The following MB21D2 variants were observed in gnomAD, a reference collection of about 807,000 sequenced individuals.
MB21D2 encodes nucleotidyltransferase MB21D2.
MB21D2 carries 9 observed loss-of-function variants against 33.3 expected under a neutral mutation model. The observed-to-expected ratio is 0.27, with a 90% CI of 0.16 to 0.47. The LOEUF (loss-of-function observed/expected upper bound fraction) is 0.47. Among genes scored for constraint, MB21D2 ranks in the 20% least tolerant of loss-of-function variants. The pLI is 0.99. For synonymous variants in MB21D2, 241 were observed against 236.3 expected (o/e 1.02, Z -0.18); for missense variants, 540 against 624.6 (o/e 0.86, Z 1.44).
rs1310300135 is a variant in MB21D2, at chr3:192,840,003, T to C, written c.212-40353A>G. ...AGGTAAAAAATAAAAAGCATCCCTA[T>C]GCAGAGATAAGAAAAGAGATTGGAA... is the stretch of plus-strand genomic sequence containing the variant. On this transcript the variant is annotated intron_variant, in intron 1 of 1. Coordinates refer to ENST00000392452, the MANE Select transcript of MB21D2 (RefSeq NM_178496.4). Among the ~76,000 whole-genome samples the C allele has an allele frequency of 2.6e-5, 4 of 152,268 alleles. 1 individual carries two copies. The highest frequency in any genetic ancestry group is 6.8e-3 in the Middle Eastern group (2 of 294).
At chr3:192,858,809 T>C in intron 1 of MB21D2, among the ~76,000 whole-genome samples, 1 of 152,134 alleles carries the variant, frequency 6.6e-6, no homozygotes, top group Admixed American at 6.5e-5. Flanking sequence ...ACAATATACT[T>C]CTATTTACAG....
intron 1 of MB21D2, among the ~76,000 whole-genome samples, chr3:192,842,205 T>G (rs1712588879): frequency 6.6e-6 from 1 of 152,046 alleles, no homozygotes; most frequent in Admixed American, 6.6e-5. Context: ...ACAGCTGAAG[T>G]AGGAATGGAT....
chr3:192,811,117 G>A (rs957324671), intron 1 of MB21D2, among the ~76,000 whole-genome samples: 5 of 152,198 alleles, frequency 3.3e-5, no homozygotes, highest in Non-Finnish European at 5.9e-5. Context: ...CCATTGGGGC[G>A]ACTGTCAACC....
intron 1 of MB21D2, among the ~76,000 whole-genome samples, chr3:192,868,031 C>T (rs1416604185): frequency 1.3e-5 from 2 of 152,104 alleles, no homozygotes; most frequent in Non-Finnish European, 2.9e-5. Context: ...CCGCTTTGTA[C>T]CCTGTCTGAA....
intron 1 of MB21D2, among the ~76,000 whole-genome samples, chr3:192,887,137 GACGA>G (rs1713749506): frequency 6.6e-6 from 1 of 152,072 alleles, no homozygotes; most frequent in Admixed American, 6.6e-5. Context: ...CCAGACATTT[GACGA>G]TATCAATGAA....
chr3:192,830,670 T>C (rs1035359702), intron 1 of MB21D2, among the ~76,000 whole-genome samples: 2 of 152,204 alleles, frequency 1.3e-5, no homozygotes, highest in Non-Finnish European at 2.9e-5. Context: ...AGTGCAACCC[T>C]AGAGATAGTG....
At chr3:192,912,175 T>A (rs1255000844) in intron 1 of MB21D2, among the ~76,000 whole-genome samples, 2 of 152,156 alleles carry the variant, frequency 1.3e-5, no homozygotes, top group East Asian at 3.9e-4. Context: ...CAGCAAAATA[T>A]CCTGCTAGAG....
chr3:192,886,026 T>C (rs897333451), intron 1 of MB21D2, among the ~76,000 whole-genome samples: 2 of 152,122 alleles, frequency 1.3e-5, no homozygotes, highest in Non-Finnish European at 1.5e-5. Context: ...AGTGGCGCGA[T>C]CTCGGCTGAC....
intron 1 of MB21D2, among the ~76,000 whole-genome samples, chr3:192,849,513 T>A (rs1223583875): frequency 6.6e-6 from 1 of 152,166 alleles, no homozygotes; most frequent in Non-Finnish European, 1.5e-5. Flanking sequence ...AGACAGGGTT[T>A]CACCATGTTG....
chr3:192,852,524 G>A (rs1474034318), intron 1 of MB21D2, among the ~76,000 whole-genome samples: 1 of 152,138 alleles, frequency 6.6e-6, no homozygotes, highest in Non-Finnish European at 1.5e-5. Flanking sequence ...GGGAAAAACA[G>A]AAGGAGAAAT....
In MB21D2 at chr3:192,887,605, A is replaced by C. The variant is rs552381570; in HGVS notation, c.211+30025T>G. 7.7e-4 allele frequency among the ~76,000 whole-genome samples: 117 copies of C among 152,246 alleles called. 2 individuals carry two copies. Among genetic ancestry groups the C allele is most frequent in the African/African-American group, 2.4e-3 (101 of 41,484 alleles). Reference sequence around the variant, plus strand: ...GGGGTAGAGGTTACAGAAAAAACAAAGGTATATGGGGGTTCATTATACCAG... The same window carrying C: ...GGGGTAGAGGTTACAGAAAAAACAACGGTATATGGGGGTTCATTATACCAG... On this transcript the variant is annotated intron_variant, in intron 1 of 1. Transcript: ENST00000392452.
At chr3:192,911,895 G>A (rs1426226646) in intron 1 of MB21D2, among the ~76,000 whole-genome samples, 1 of 152,224 alleles carries the variant, frequency 6.6e-6, no homozygotes, top group Non-Finnish European at 1.5e-5. Flanking sequence ...TACAGATGCA[G>A]CACATAGTGA....
rs1560223943 is a variant in MB21D2, at chr3:192,799,356, T to C, written c.506A>G (p.Asp169Gly). 1 of 1,614,234 alleles carries C rather than the reference T, an allele frequency of 6.2e-7. No homozygotes were observed. Among genetic ancestry groups the C allele is most frequent in the Non-Finnish European group, 8.5e-7 (1 of 1,180,046 alleles). ...SKWKDCCTIV[D>G]HINGATNYFF... ...GTAGTTGGTGGCACCATTGATGTGA[T>C]CTACAATGGTGCAGCAGTCTTTCCA... is the stretch of plus-strand genomic sequence containing the variant. Residue 169 changes from aspartate to glycine, a missense_variant, in exon 2 of 2, where the codon GAT becomes GGT. Transcript: ENST00000392452. This position sits in a 1 kb window ranked among gnomAD's most constrained non-coding sequence, Gnocchi z 4.1.
At chr3:192,802,082 TGCTTAAATGCTAG>T (rs1234588609) in intron 1 of MB21D2, among the ~76,000 whole-genome samples, 1 of 152,226 alleles carries the variant, frequency 6.6e-6, no homozygotes, top group Non-Finnish European at 1.5e-5. Context: ...GACTTCCAGC[TGCTTAAATGCTAG>T]CCCTTAAGGA....
intron 1 of MB21D2, among the ~76,000 whole-genome samples, chr3:192,914,450 T>A (rs1714419127): frequency 6.6e-6 from 1 of 152,120 alleles, no homozygotes; most frequent in South Asian, 2.1e-4. Flanking sequence ...CAAACCAGTC[T>A]CTATCGAACC....
rs150249176 is a variant in MB21D2, at chr3:192,809,424, T to C, written c.212-9774A>G. The stretch of plus-strand genomic sequence containing the variant: ...GTCCCCATTTTACAGATAAGGAAAT[T>C]AAGAAAAATAGCAGCCAAATAAATT... On this transcript the variant is annotated intron_variant, in intron 1 of 1. Transcript: ENST00000392452. Among the ~76,000 whole-genome samples the C allele has an allele frequency of 4.7e-3, 708 of 152,142 alleles. 9 individuals are homozygous for C. Among genetic ancestry groups the C allele is most frequent in the Admixed American group, 5.2e-3 (80 of 15,290 alleles).
chr3:192,891,177 C>T (rs1017544225), intron 1 of MB21D2, among the ~76,000 whole-genome samples: 1 of 152,100 alleles, frequency 6.6e-6, no homozygotes, highest in African/African-American at 2.4e-5. Flanking sequence ...TGCAATTTTT[C>T]ATGAGAAAAC....
At chr3:192,896,060 T>C (rs1274546781) in intron 1 of MB21D2, among the ~76,000 whole-genome samples, 1 of 152,226 alleles carries the variant, frequency 6.6e-6, no homozygotes, top group Admixed American at 6.5e-5. Flanking sequence ...AGCAGTTTTA[T>C]GTACTCCGCT....
At chr3:192,836,922 G>A (rs182516640) in intron 1 of MB21D2, among the ~76,000 whole-genome samples, 18 of 152,174 alleles carry the variant, frequency 1.2e-4, no homozygotes, top group East Asian at 3.9e-4. Flanking sequence ...GAAGAAACAC[G>A]TACCTCAGAC....
Sources: gnomAD v4.1 joint callset for allele counts (sites outside exome capture counted in the v4.1 genomes callset) on GRCh38, gnomAD v4.1.1 for gene constraint, Gnocchi (gnomAD v3.1) non-coding constraint, MANE v1.5 for transcripts, NCBI Gene and HGNC (gene_info 2026-07-23, HGNC 2026-07-21) for gene names.